Variants in VPS8 observed in about 807,000 individuals in gnomAD.
VPS8 encodes VPS8 subunit of CORVET complex.
A neutral mutation model predicts 216.4 loss-of-function variants in VPS8; 129 were observed. The observed-to-expected ratio is 0.60, with a 90% CI of 0.52 to 0.69. The LOEUF (loss-of-function observed/expected upper bound fraction) is 0.69, where lower values mean the gene tolerates loss of function less well. Among genes scored for constraint, VPS8 ranks in the 30% least tolerant of loss-of-function variants. The pLI is 0.00. For synonymous variants in VPS8, 571 were observed against 565.4 expected (o/e 1.01, Z -0.14); for missense variants, 1,531 against 1,683.5 (o/e 0.91, Z 1.59).
rs769221484 is a variant in VPS8, at chr3:184,824,667, A to T, written c.35A>T (p.Gln12Leu). Reference sequence around the variant, plus strand: ...GAACCAGACCATGAAAATGTGGAACAGAGCCTCTGTGCCAAGACGAGCGAA... The same window carrying T: ...GAACCAGACCATGAAAATGTGGAACTGAGCCTCTGTGCCAAGACGAGCGAA... ...ENEPDHENVE[Q>L]SLCAKTSEEE... Residue 12 changes from glutamine to leucine, a missense_variant, in exon 2 of 48, where the codon CAG becomes CTG. Coordinates refer to ENST00000625842, the MANE Select transcript of VPS8 (RefSeq NM_001009921.3). 1 of 1,613,888 alleles carries T rather than the reference A, an allele frequency of 6.2e-7. No homozygotes were observed. The highest frequency in any genetic ancestry group is 8.5e-7 in the Non-Finnish European group (1 of 1,179,890).
At chr3:184,852,616 T>G (rs976340609) in intron 11 of VPS8, 49 bp downstream of exon 11, 2 of 1,557,048 alleles carry the variant, frequency 1.3e-6, no homozygotes, top group African/African-American at 2.7e-5. Context: ...CTAGCTCTGT[T>G]TTAATGATTT....
chr3:184,891,830 C>A (rs1732410707), intron 22 of VPS8, among the ~76,000 whole-genome samples: 1 of 152,098 alleles, frequency 6.6e-6, no homozygotes, highest in African/African-American at 2.4e-5. Context: ...TATGGATTGG[C>A]AAGGGTTAGG....
At chr3:184,979,708 G>T (rs548830730) in intron 40 of VPS8, among the ~76,000 whole-genome samples, 2 of 152,160 alleles carry the variant, frequency 1.3e-5, no homozygotes, top group African/African-American at 4.8e-5. Context: ...GTGTAAGATG[G>T]ATCTCTTGGA....
intron 7 of VPS8, among the ~76,000 whole-genome samples, chr3:184,842,186 CAAAAAAAAAAA>C (rs71162267): frequency 6.1e-5 from 3 of 48,982 alleles, no homozygotes; most frequent in East Asian, 1.1e-3. Context: ...GACTCCGTCT[CAAAAAAAAAAA>C]AAAAAAAAAA....
At chr3:184,896,393 G>T (rs796969870) in intron 23 of VPS8, among the ~76,000 whole-genome samples, 6 of 152,136 alleles carry the variant, frequency 3.9e-5, no homozygotes, top group African/African-American at 1.4e-4. Flanking sequence ...ATTTCAAAAT[G>T]CTCCCCTCAG....
intron 4 of VPS8, among the ~76,000 whole-genome samples, chr3:184,833,249 G>A (rs910998238): frequency 2.6e-5 from 4 of 152,112 alleles, no homozygotes; most frequent in Non-Finnish European, 5.9e-5. Context: ...AAAAATTCAG[G>A]AAAAGGACTT....
chr3:184,823,074 T>C (rs1272048288), intron 1 of VPS8, among the ~76,000 whole-genome samples: 1 of 152,254 alleles, frequency 6.6e-6, no homozygotes, highest in Non-Finnish European at 1.5e-5. Context: ...TAACTATTCA[T>C]TTCTTTTAAT....
At chr3:184,975,390 G>T (rs1374562200) in intron 40 of VPS8, among the ~76,000 whole-genome samples, 1 of 151,820 alleles carries the variant, frequency 6.6e-6, no homozygotes, top group Non-Finnish European at 1.5e-5. Context: ...ATTGTTGAAT[G>T]TTGATTTTTG....
intron 9 of VPS8, 75 bp downstream of exon 9, chr3:184,849,270 T>C: frequency 6.5e-7 from 1 of 1,526,984 alleles, no homozygotes; most frequent in Non-Finnish European, 8.9e-7. Context: ...ACATCTTAGA[T>C]CAAAGACCAA....
Position 184,885,661 on chromosome 3 carries a change from A to G in VPS8, c.1735-449A>G, listed in dbSNP as rs76119063. Among the ~76,000 whole-genome samples the G allele has an allele frequency of 2.5e-4, 38 of 152,260 alleles. No homozygotes were observed. The East Asian group carries it at 4.8e-3, about 19-fold the overall frequency. On this transcript the variant is annotated intron_variant, in intron 21 of 47. Transcript: ENST00000625842. ...GTTTTCTTTACAGATCTGTGAGACG[A>G]ATGCATATTTTCACCTAGTATTTGT...
chr3:184,851,772 G>T (rs6763849), intron 10 of VPS8, among the ~76,000 whole-genome samples: 1 of 152,160 alleles, frequency 6.6e-6, no homozygotes, highest in African/African-American at 2.4e-5. Flanking sequence ...CCTGAGGCGT[G>T]CTATTTAGGA....
chr3:185,027,399 C>T (rs930057145), intron 46 of VPS8, among the ~76,000 whole-genome samples: 47 of 151,896 alleles, frequency 3.1e-4, no homozygotes, highest in South Asian at 1.5e-3. Flanking sequence ...CCCGCCACCA[C>T]GCCCGGCTAA....
intron 43 of VPS8, 23 bp downstream of exon 43, chr3:184,994,086 C>G: frequency 6.7e-7 from 1 of 1,484,530 alleles, no homozygotes; most frequent in Non-Finnish European, 9.0e-7. Flanking sequence ...CTTGTTACAT[C>G]TAAGTCTGTC....
chr3:185,034,708 T>C (rs1443464192), intron 46 of VPS8, among the ~76,000 whole-genome samples: 2 of 152,142 alleles, frequency 1.3e-5, no homozygotes, highest in Admixed American at 1.3e-4. Flanking sequence ...GCAGATGCTC[T>C]TTAGTTTAAT....
chr3:185,031,506 C>T (rs899465789), intron 46 of VPS8, among the ~76,000 whole-genome samples: 7 of 152,128 alleles, frequency 4.6e-5, no homozygotes, highest in Non-Finnish European at 8.8e-5. Flanking sequence ...GAGTTGAAAA[C>T]CTCAGCAAGA....
intron 45 of VPS8, among the ~76,000 whole-genome samples, chr3:185,022,592 C>T (rs1313855967): frequency 2.6e-5 from 4 of 152,116 alleles, no homozygotes; most frequent in Non-Finnish European, 5.9e-5. Flanking sequence ...TAAAATTATT[C>T]ACAAAAGGTT....
chr3:185,034,114 G>A (rs976301601), intron 46 of VPS8, among the ~76,000 whole-genome samples: 1 of 152,094 alleles, frequency 6.6e-6, no homozygotes, highest in Non-Finnish European at 1.5e-5. Flanking sequence ...TCGATGTTTA[G>A]CTCTCACTTA....
chr3:184,849,863 G>A, intron 9 of VPS8, 73 bp from the exon 10 acceptor site: 1 of 1,123,448 alleles, frequency 8.9e-7, no homozygotes, highest in Non-Finnish European at 1.3e-6. Context: ...GATTATTCCA[G>A]CCAGAAGGCA....
At chr3:184,846,008 A>T (rs763242811) in intron 8 of VPS8, among the ~76,000 whole-genome samples, 3 of 152,224 alleles carry the variant, frequency 2.0e-5, no homozygotes, top group African/African-American at 7.2e-5. Context: ...TTAGCAACAC[A>T]GTGAGATAAT....
Sources: allele counts gnomAD v4.1 joint callset (sites outside exome capture counted in the v4.1 genomes callset), GRCh38; gene constraint gnomAD v4.1.1; transcripts MANE v1.5; gene names NCBI Gene and HGNC (gene_info 2026-07-23, HGNC 2026-07-21).